SORBS2: variants seen among roughly 807,000 people sequenced by gnomAD.
The protein encoded by SORBS2 is sorbin and SH3 domain-containing protein 2.
SORBS2 carries 46 observed loss-of-function variants against 97.7 expected under a neutral mutation model. That is an observed-to-expected ratio of 0.47 (90% CI 0.37 to 0.60). SORBS2 has a LOEUF of 0.60. Among genes scored for constraint, SORBS2 ranks in the 20% least tolerant of loss-of-function variants. SORBS2 has a pLI of 0.00. For synonymous variants in SORBS2, 476 were observed against 473.4 expected (o/e 1.01, Z -0.07); for missense variants, 1,316 against 1,282.3 (o/e 1.03, Z -0.40).
At chr4:185,677,709 T>C in intron 4 of SORBS2, 2 of 1,285,288 alleles carry the variant, frequency 1.6e-6, no homozygotes, top group Non-Finnish European at 2.1e-6. Context: ...AAGTTAGTCA[T>C]GAAAGAAACC....
At chr4:185,939,690 A>G (rs976318719) in intron 1 of SORBS2, among the ~76,000 whole-genome samples, 4 of 152,028 alleles carry the variant, frequency 2.6e-5, no homozygotes, top group African/African-American at 9.7e-5. Flanking sequence ...TTGTATTTTT[A>G]GTAGACAGGG....
rs145935689 is a variant in SORBS2 at position 185,859,849 on chromosome 4, G to A, written c.-337-84483C>T. On this transcript the variant is annotated intron_variant, in intron 1 of 20. Coordinates refer to the SORBS2 transcript ENST00000284776. ...TCAACAAAAAACTAAGGTGCTGATG[G>A]CAATTAGTTCCAAAAGCAGGTGCTT... is the stretch of plus-strand genomic sequence containing the variant. 3.4e-3 allele frequency among the ~76,000 whole-genome samples: 513 copies of A among 152,292 alleles called. 5 individuals are homozygous for A. The highest frequency in any genetic ancestry group is 0.012 in the African/African-American group (493 of 41,556).
chr4:185,636,982 T>C (rs1181284317), intron 4 of SORBS2, among the ~76,000 whole-genome samples: 2 of 152,188 alleles, frequency 1.3e-5, no homozygotes, highest in African/African-American at 4.8e-5. Context: ...GGCTAAGCAA[T>C]AAGGCCCAAC....
rs118178748 is a variant in SORBS2, at chr4:185,833,199, C to A, written c.-337-57833G>T. Among the ~76,000 whole-genome samples, 59 of 152,344 alleles carry A rather than the reference C, an allele frequency of 3.9e-4. 1 individual carries two copies. The East Asian group carries it at 0.011, about 29-fold the overall frequency. On this transcript the variant is annotated intron_variant, in intron 1 of 20. Coordinates refer to the SORBS2 transcript ENST00000284776. ...ACCCCATCTGACTATAACTACCATG[C>A]ACATTGTGTCCAAGTAATGTGAACA...
intron 1 of SORBS2, among the ~76,000 whole-genome samples, chr4:185,793,995 C>T (rs928467924): frequency 2.6e-5 from 4 of 152,026 alleles, no homozygotes; most frequent in African/African-American, 9.7e-5. Flanking sequence ...GACATTGGTG[C>T]AGAATTGGAG....
At chr4:185,831,112 C>T (rs1195353922) in intron 1 of SORBS2, among the ~76,000 whole-genome samples, 1 of 152,090 alleles carries the variant, frequency 6.6e-6, no homozygotes, top group Non-Finnish European at 1.5e-5. Flanking sequence ...AACTTTTGAT[C>T]GTACACTTGA....
At position 185,651,781 on chromosome 4, in the gene SORBS2, T is replaced by C; in HGVS notation, c.91+881A>G. 1 of 1,498,648 alleles carries C rather than the reference T, an allele frequency of 6.7e-7. No homozygotes were observed. Among genetic ancestry groups the C allele is most frequent in the Non-Finnish European group, 9.3e-7 (1 of 1,077,346 alleles). 92.8% of individuals were successfully genotyped at this position (1,498,648 alleles called of 1,614,324 possible). ...TCATTGCGAGCAAGGAAACCCATCC[T>C]ACCTGCATTGTATGTATAAGGAGTA... On this transcript the variant is annotated intron_variant, in intron 2 of 14. Transcript: ENST00000418609.
chr4:185,724,685 C>T (rs1446992390), intron 2 of SORBS2, among the ~76,000 whole-genome samples: 1 of 152,236 alleles, frequency 6.6e-6, no homozygotes, highest in African/African-American at 2.4e-5. Flanking sequence ...TTTTCACTCT[C>T]GTCTTCGGCC....
At chr4:185,622,847 T>C (rs1003724738) in intron 7 of SORBS2, 67 bp downstream of exon 19, 9 of 1,465,894 alleles carry the variant, frequency 6.1e-6, no homozygotes, top group African/African-American at 2.8e-5. Context: ...GATGTTGGAA[T>C]GGAAAATGAA....
intron 1 of SORBS2, among the ~76,000 whole-genome samples, chr4:185,902,553 C>CT (rs2099248269): frequency 1.3e-5 from 2 of 152,024 alleles, no homozygotes; most frequent in South Asian, 4.2e-4. Flanking sequence ...TTACATGAAT[C>CT]TTTTGATCAG....
chr4:185,860,062 C>T (rs2099222825), intron 1 of SORBS2, among the ~76,000 whole-genome samples: 1 of 152,154 alleles, frequency 6.6e-6, no homozygotes, highest in Admixed American at 6.5e-5. Flanking sequence ...TAAAAGGTCA[C>T]TTGTAATTGT....
chr4:185,629,564 G>T (rs112258703), intron 5 of SORBS2, among the ~76,000 whole-genome samples: 45,494 of 135,478 alleles, frequency 0.34, 8,119 homozygotes, highest in South Asian at 0.55. Flanking sequence ...TTTGTGATTT[G>T]TTTTTTTTTT....
chr4:185,630,205 AT>A (rs941455005), intron 5 of SORBS2, among the ~76,000 whole-genome samples: 1 of 152,020 alleles, frequency 6.6e-6, no homozygotes. Context: ...TTAATCTATA[AT>A]TTTTTTCAAA....
chr4:185,652,753 G>A, intron 1 of SORBS2, 25 bp from the exon 10 acceptor site: 2 of 1,578,938 alleles, frequency 1.3e-6, no homozygotes, highest in East Asian at 2.2e-5. Context: ...GCGTCCAATG[G>A]TTACAAACTG....
At chr4:185,835,026 C>T (rs1486773156) in intron 1 of SORBS2, among the ~76,000 whole-genome samples, 3 of 152,100 alleles carry the variant, frequency 2.0e-5, no homozygotes, top group Non-Finnish European at 4.4e-5. Context: ...TGAGTGAGTT[C>T]CCTGGAGATC....
intron 2 of SORBS2, chr4:185,710,106 C>T (rs906964661): frequency 4.0e-5 from 6 of 151,682 alleles, no homozygotes; most frequent in African/African-American, 1.5e-4. Context: ...ACCTATAACT[C>T]TTTTTCCCAA....
intron 5 of SORBS2, among the ~76,000 whole-genome samples, chr4:185,628,164 T>G (rs970232947): frequency 6.6e-6 from 1 of 152,212 alleles, no homozygotes; most frequent in Admixed American, 6.5e-5. Context: ...GGTTTTTGTG[T>G]GAACCTAAGT....
intron 2 of SORBS2, chr4:185,773,894 C>T (rs1305303021): frequency 1.3e-5 from 2 of 151,620 alleles, no homozygotes; most frequent in South Asian, 2.1e-4. Context: ...AATCCCTTAT[C>T]CCTTACACAG....
chr4:185,832,538 C>T (rs2099205721), intron 1 of SORBS2, among the ~76,000 whole-genome samples: 6 of 152,164 alleles, frequency 3.9e-5, no homozygotes, highest in Admixed American at 3.9e-4. Context: ...GGTTTGGTCA[C>T]AATTTGTTTT....
Sources: gnomAD v4.1 joint callset for allele counts (sites outside exome capture counted in the v4.1 genomes callset) on GRCh38, gnomAD v4.1.1 for gene constraint, MANE v1.5 for transcripts, NCBI Gene and HGNC (gene_info 2026-07-23, HGNC 2026-07-21) for gene names.